OVGP1: variants seen among roughly 807,000 people sequenced by gnomAD.
OVGP1 encodes oviduct-specific glycoprotein.
OVGP1 carries 26 observed loss-of-function variants against 48.2 expected under a neutral mutation model. The ratio of observed to expected loss-of-function variants is 0.54; its 90% CI spans 0.40 to 0.75. OVGP1 has a LOEUF of 0.75. Among genes scored for constraint, OVGP1 ranks in the 30% least tolerant of loss-of-function variants. The pLI, the probability that OVGP1 is intolerant of heterozygous loss-of-function variation, is 0.00. For synonymous variants in OVGP1, 294 were observed against 305.7 expected (o/e 0.96, Z 0.40); for missense variants, 791 against 820.6 (o/e 0.96, Z 0.44).
intron 9 of OVGP1, among the ~76,000 whole-genome samples, chr1:111,417,725 AC>A (rs1306531265): frequency 1.3e-5 from 2 of 152,214 alleles, no homozygotes; most frequent in African/African-American, 4.8e-5. Flanking sequence ...CAGAAAAAAA[AC>A]AAAACAAAAT....
At chr1:111,426,705 G>A in intron 2 of OVGP1, 64 bp from the exon 3 acceptor site, 1 of 1,573,524 alleles carries the variant, frequency 6.4e-7, no homozygotes, top group Non-Finnish European at 8.6e-7. Context: ...TCAGCTTCCA[G>A]AAAGCAATGT....
At position 111,421,391 on chromosome 1, in the gene OVGP1, T is replaced by C. The variant is rs897365141; in HGVS notation, c.788A>G (p.Tyr263Cys). ...TTTGAGGAGGCGAAAGGTACGTCCA[T>C]AGGTGGGGATCCCCATGATGAGCTT... ...SEKLIMGIPT[Y>C]GRTFRLLKAS... is the part of the protein sequence containing the mutation. Residue 263 changes from tyrosine to cysteine, a missense_variant, in exon 8 of 11, where the codon TAT becomes TGT. Tyr to Cys is a radical substitution (Grantham distance 194). Coordinates refer to ENST00000369732, the MANE Select transcript of OVGP1 (RefSeq NM_002557.4). The C allele has an allele frequency of 3.1e-6, 5 of 1,614,076 alleles. No homozygotes were observed. The highest frequency in any genetic ancestry group is 4.2e-6 in the Non-Finnish European group (5 of 1,179,976).
chr1:111,427,413 C>T (rs1652424477), intron 1 of OVGP1: 1 of 960,340 alleles, frequency 1.0e-6, no homozygotes, highest in Admixed American at 6.2e-5. Context: ...TTAAGAAGTA[C>T]TGATATCCTG....
rs1381324203 is a variant in OVGP1, at chr1:111,421,575, G to A, written c.707C>T (p.Pro236Leu). The part of the protein sequence containing the change: ...NSPLFSLPED[P>L]KSSAYAMNYW... ...CTTTCCTTTCCTTACCGAAGATTTG[G>A]GGTCTTCAGGCAGAGAGAAGAGGGG... The change falls in exon 7 of 11, where the codon CCC becomes CTC. Residue 236 changes from proline to leucine, a missense_variant. By Grantham distance (98) the Pro-to-Leu change is moderately conservative. Transcript: ENST00000369732. The A allele has an allele frequency of 1.2e-6, 2 of 1,611,614 alleles. No individual in the cohort carries two copies. Among genetic ancestry groups the A allele is most frequent in the Admixed American group, 1.7e-5 (1 of 60,028 alleles).
intron 10 of OVGP1, 112 bp from the exon 11 acceptor site, chr1:111,415,456 A>G: frequency 1.1e-6 from 1 of 922,164 alleles, no homozygotes; most frequent in Non-Finnish European, 1.6e-6. Context: ...CCAAAAATTC[A>G]GAAGTGTAAG....
At chr1:111,425,606 G>T in intron 3 of OVGP1, 167 bp from the exon 4 acceptor site, 1 of 1,242,590 alleles carries the variant, frequency 8.0e-7, no homozygotes, top group Middle Eastern at 2.6e-4. Flanking sequence ...GATGAGCACA[G>T]GAGAGAGGAG....
At chr1:111,422,343 A>G (rs1269842917) in intron 6 of OVGP1, among the ~76,000 whole-genome samples, 1 of 152,108 alleles carries the variant, frequency 6.6e-6, no homozygotes, top group Non-Finnish European at 1.5e-5. Context: ...GGAACATCCC[A>G]TTTCTGTTTT....
At chr1:111,417,039 T>C (rs1652154101) in intron 9 of OVGP1, among the ~76,000 whole-genome samples, 1 of 152,248 alleles carries the variant, frequency 6.6e-6, no homozygotes, top group Non-Finnish European at 1.5e-5. Flanking sequence ...ATGGTTAAAA[T>C]GGTAAATCTT....
intron 1 of OVGP1, 116 bp downstream of exon 1, chr1:111,427,581 C>T: frequency 7.7e-7 from 1 of 1,307,172 alleles, no homozygotes; most frequent in South Asian, 1.2e-5. Flanking sequence ...CCATCTCTAC[C>T]TAATCTAGGC....
intron 1 of OVGP1, 95 bp downstream of exon 1, chr1:111,427,602 C>A: frequency 6.9e-7 from 1 of 1,454,346 alleles, no homozygotes; most frequent in South Asian, 1.1e-5. Flanking sequence ...TTCCCTGAGT[C>A]TCAGGCTGCT....
chr1:111,414,577 A>C lies in OVGP1; in HGVS notation c.1924T>G (p.Phe642Val), dbSNP rs759189002. The C allele has an allele frequency of 6.2e-7, 1 of 1,614,198 alleles. No individual in the cohort carries two copies. The highest frequency in any genetic ancestry group is 8.5e-7 in the Non-Finnish European group (1 of 1,180,038). Residue 642 changes from phenylalanine (F) to valine (V), a missense_variant, in exon 11 of 11, where the codon TTT becomes GTT. Transcript: ENST00000369732. ...GAATGGTTTCCATAGATGGGAACAA[A>C]GCGGTTGTCAAAAGCTAGAGGAGTT... ...EQTPLAFDNR[F>V]VPIYGNHSSV...
chr1:111,423,435 C>CA (rs1282662792), intron 5 of OVGP1, 108 bp downstream of exon 5: 3 of 1,184,458 alleles, frequency 2.5e-6, no homozygotes, highest in Admixed American at 4.7e-5. Context: ...AACATTCTGT[C>CA]ACCCTCTTCT....
rs868322939 is a variant in OVGP1 at position 111,415,255 on chromosome 1, C to T, written c.1246G>A (p.Ala416Thr). Residue 416 changes from alanine to threonine, a missense_variant, in exon 11 of 11, where the codon GCA becomes ACA. Coordinates refer to ENST00000369732, the MANE Select transcript of OVGP1 (RefSeq NM_002557.4). Reference protein sequence around the residue: ...TDPERLAVTTAWTTDSKILPP... With the variant: ...TDPERLAVTTTWTTDSKILPP... The stretch of plus-strand genomic sequence containing the variant: ...AAAATCTTACTATCAGTGGTCCATG[C>T]CGTGGTCACAGCCAGCCTTTCAGGG... 1 of 1,614,202 alleles carries T rather than the reference C, an allele frequency of 6.2e-7. No individual in the cohort carries two copies. Among genetic ancestry groups the T allele is most frequent in the Non-Finnish European group, 8.5e-7 (1 of 1,180,038 alleles).
chr1:111,424,362 T>C (rs1345234589), intron 4 of OVGP1, among the ~76,000 whole-genome samples: 1 of 152,234 alleles, frequency 6.6e-6, no homozygotes, highest in East Asian at 1.9e-4. Flanking sequence ...TTATTGGACC[T>C]GAACTTTAAG....
chr1:111,414,822 TTCTG>T lies in OVGP1; in HGVS notation c.1675_1678del (p.Gln559IlefsTer15), dbSNP rs745409986. 1 of 1,596,542 alleles carries T rather than the reference TTCTG, an allele frequency of 6.3e-7. No homozygotes were observed. Among genetic ancestry groups the T allele is most frequent in the Admixed American group, 1.7e-5 (1 of 59,036 alleles). ...AGCCTTCCTTCTAGGGGCCACTGTATTCTGTCTAAGGGTCTCAGTCTGAAAATGG... is the reference window on the plus strand; with the variant it reads ...AGCCTTCCTTCTAGGGGCCACTGTATTCTAAGGGTCTCAGTCTGAAAATGG... On this transcript the variant is annotated frameshift_variant, in exon 11 of 11. Transcript: ENST00000369732. LOFTEE classifies it low-confidence loss of function (END_TRUNC).
At chr1:111,427,224 GAC>G (rs949266565) in intron 1 of OVGP1, 133 bp from the exon 2 acceptor site, 3 of 1,528,654 alleles carry the variant, frequency 2.0e-6, no homozygotes, top group Non-Finnish European at 1.8e-6. Context: ...CACAAATGGG[GAC>G]ACACACACCA....
Position 111,414,404 on chromosome 1 carries a change from C to T in OVGP1, c.*60G>A, listed in dbSNP as rs1652066378. 6.1e-6 allele frequency: 9 copies of T among 1,480,760 alleles called. No homozygotes were observed. The highest frequency in any genetic ancestry group is 7.3e-6 in the Non-Finnish European group (8 of 1,098,226). 91.7% of individuals were successfully genotyped at this position (1,480,760 alleles called of 1,614,324 possible). A position where few individuals can be genotyped will look rare whatever the true frequency, so the allele number is the denominator to read the frequency against. ...GCTTTGCCCCGGGATGAGAAGGCTT[C>T]CAACATGTCACTTAGAAGAAAAGAC... On this transcript the variant is annotated 3_prime_UTR_variant, in exon 11 of 11. Transcript: ENST00000369732.
chr1:111,419,630 C>A lies in OVGP1; in HGVS notation c.1000G>T (p.Ala334Ser), dbSNP rs1272832155. The change falls in exon 9 of 11, where the codon GCC becomes TCC. Residue 334 changes from alanine to serine, a missense_variant. By Grantham distance (99) the Ala-to-Ser change is moderately conservative. Coordinates refer to ENST00000369732, the MANE Select transcript of OVGP1 (RefSeq NM_002557.4). Reference sequence around the variant, plus strand: ...CTCACCTTGTAACTGAAGCTGATGGCATTGTCATAGCCAACCCACTCTTTC... The same window carrying A: ...CTCACCTTGTAACTGAAGCTGATGGAATTGTCATAGCCAACCCACTCTTTC... ...KGKEWVGYDN[A>S]ISFSYKAWFI... 6.2e-7 allele frequency: 1 copy of A among 1,607,226 alleles called. No individual in the cohort carries two copies. Among genetic ancestry groups the A allele is most frequent in the Non-Finnish European group, 8.5e-7 (1 of 1,174,018 alleles).
chr1:111,422,828 G>C lies in OVGP1; in HGVS notation c.608+99C>G. 4.2e-6 allele frequency: 6 copies of C among 1,423,256 alleles called. No homozygotes were observed. In the South Asian group the frequency reaches 6.0e-5, roughly 14 times the overall value. 88.2% of individuals were successfully genotyped at this position (1,423,256 alleles called of 1,614,324 possible). ...TGCACTGACGTCAGGGCAGGCACAC[G>C]GTGAGCTCAAAAACAGTGCTTGGGA... On this transcript the variant is annotated intron_variant, in intron 6 of 10. Coordinates refer to ENST00000369732, the MANE Select transcript of OVGP1 (RefSeq NM_002557.4).
Sources: gnomAD v4.1 joint callset for allele counts (sites outside exome capture counted in the v4.1 genomes callset) on GRCh38, gnomAD v4.1.1 for gene constraint, MANE v1.5 for transcripts, NCBI Gene and HGNC (gene_info 2026-07-23, HGNC 2026-07-21) for gene names.